Variants in ADAMTS2 observed in about 807,000 individuals in gnomAD.
ADAMTS2 encodes A disintegrin and metalloproteinase with thrombospondin motifs 2.
ADAMTS2 carries 50 observed loss-of-function variants against 123.0 expected under a neutral mutation model. The ratio of observed to expected loss-of-function variants is 0.41; its 90% confidence interval spans 0.32 to 0.51. The LOEUF is 0.51. Ranked by LOEUF, ADAMTS2 falls within the 20% of genes least tolerant of loss-of-function variation. The pLI, the probability that ADAMTS2 is intolerant of heterozygous loss-of-function variation, is 0.35. For synonymous variants in ADAMTS2, 678 were observed against 695.4 expected, an observed-to-expected ratio of 0.98 and a Z score of 0.39; for missense variants, 1,494 against 1,705.2, an observed-to-expected ratio of 0.88 and a Z score of 2.18.
Position 179,180,961 on chromosome 5 carries a change from G to A in ADAMTS2, c.975+111C>T. The A allele has an allele frequency of 2.5e-6, 2 of 786,380 alleles. No individual in the cohort carries two copies. Among genetic ancestry groups the A allele is most frequent in the South Asian group, 1.4e-5 (1 of 71,264 alleles). The allele number at this position is 786,380 out of a possible 1,614,324, so 48.7% of individuals were successfully genotyped here. A position where few individuals can be genotyped will look rare whatever the true frequency, so the allele number is the denominator to read the frequency against. On this transcript the variant is annotated intron_variant, in intron 5 of 21. Transcript: ENST00000251582. The surrounding 1 kb of genome is among the most constrained non-coding windows in gnomAD (Gnocchi z 4.6). The stretch of plus-strand genomic sequence containing the variant: ...GGAACCTCAGGGGAGCCAGGGAGAG[G>A]CAGGGTGGTTCTGGCAAACGCACAC...
At chr5:179,194,691 A>T (rs990323348) in intron 4 of ADAMTS2, among the ~76,000 whole-genome samples, 1 of 152,112 alleles carries the variant, frequency 6.6e-6, no homozygotes, top group Admixed American at 6.5e-5. Flanking sequence ...TGCTCTGGCC[A>T]TGTCTCTCTC....
rs1763621711 is a variant in ADAMTS2 at position 179,162,773 on chromosome 5, T to C, written c.976-3894A>G. On this transcript the variant is annotated intron_variant, in intron 5 of 21. Transcript: ENST00000251582. The surrounding 1 kb of genome is among the most constrained non-coding windows in gnomAD (Gnocchi z 5.1). Reference sequence around the variant, plus strand: ...GGCTGCCTGCCACTGACGGGTGTCATTTATGCCTGAAGAAGTTCCTCTCCT... The same window carrying C: ...GGCTGCCTGCCACTGACGGGTGTCACTTATGCCTGAAGAAGTTCCTCTCCT... Among the ~76,000 whole-genome samples the C allele has an allele frequency of 6.6e-6, 1 of 152,192 alleles. No individual in the cohort carries two copies. Among genetic ancestry groups the C allele is most frequent in the Admixed American group, 6.5e-5 (1 of 15,284 alleles).
intron 2 of ADAMTS2, among the ~76,000 whole-genome samples, chr5:179,343,446 A>T (rs1581298771): frequency 6.6e-6 from 1 of 152,360 alleles, no homozygotes; most frequent in Admixed American, 6.5e-5. Flanking sequence ...AAAGGTACAC[A>T]CACATACACG....
intron 1 of ADAMTS2, among the ~76,000 whole-genome samples, chr5:179,344,370 A>T (rs888978394): frequency 6.6e-6 from 1 of 151,584 alleles, no homozygotes; most frequent in Non-Finnish European, 1.5e-5. Context: ...GGGCTCCGCC[A>T]CTCCCCAGCC....
At chr5:179,341,291 A>G (rs1022559709) in intron 2 of ADAMTS2, 10 of 346,740 alleles carry the variant, frequency 2.9e-5, no homozygotes, top group Admixed American at 7.4e-5. Flanking sequence ...GGAGGCCAAG[A>G]TGGGCAGATC....
In ADAMTS2 at chr5:179,140,887, C is replaced by A. The variant is rs576530320; in HGVS notation, c.1630-852G>T. Among the ~76,000 whole-genome samples, 4 of 147,670 alleles carry A rather than the reference C, an allele frequency of 2.7e-5. No homozygotes were observed. The South Asian group carries it at 8.7e-4, about 32-fold the overall frequency. ...CGATCTTGGCTCACTGCAACCTCCG[C>A]CTCCTGGGTTCAAGCGATTCTCTTG... On this transcript the variant is annotated intron_variant, in intron 10 of 21. Transcript: ENST00000251582.
intron 6 of ADAMTS2, among the ~76,000 whole-genome samples, chr5:179,157,967 T>C (rs1763512480): frequency 6.8e-6 from 1 of 146,138 alleles, no homozygotes; most frequent in Non-Finnish European, 1.5e-5. Context: ...TGGTTTTTTT[T>C]GTCTCTTTTT....
intron 3 of ADAMTS2, among the ~76,000 whole-genome samples, chr5:179,268,634 G>A (rs562108201): frequency 2.6e-5 from 4 of 152,334 alleles, no homozygotes; most frequent in Admixed American, 6.5e-5. Context: ...GTCCCTTAAC[G>A]CGGGCGGTGG....
At chr5:179,255,760 T>TGGCAC (rs1409784542) in intron 3 of ADAMTS2, among the ~76,000 whole-genome samples, 2 of 152,078 alleles carry the variant, frequency 1.3e-5, no homozygotes, top group East Asian at 3.9e-4. Flanking sequence ...CAAGCAGGGG[T>TGGCAC]GGCACGGCAC....
In ADAMTS2 at chr5:179,170,479, A is replaced by T. The variant is rs574271335; in HGVS notation, c.975+10593T>A. 2.9e-4 allele frequency among the ~76,000 whole-genome samples: 44 copies of T among 152,134 alleles called. No homozygotes were observed. Among genetic ancestry groups the T allele is most frequent in the African/African-American group, 1.0e-3 (43 of 41,494 alleles). On this transcript the variant is annotated intron_variant, in intron 5 of 21. Coordinates refer to ENST00000251582, the MANE Select transcript of ADAMTS2 (RefSeq NM_014244.5). This position sits in a 1 kb window ranked among gnomAD's most constrained non-coding sequence, Gnocchi z 4.3. ...AAATTCTTCTAGAGACGGGGGCCTC[A>T]TTCCTTGACGGGAAGCCTGTGGTTC... is the stretch of plus-strand genomic sequence containing the variant.
chr5:179,205,800 C>T (rs1264594726), intron 4 of ADAMTS2, among the ~76,000 whole-genome samples: 1 of 109,560 alleles, frequency 9.1e-6, no homozygotes, highest in Non-Finnish European at 1.9e-5. Flanking sequence ...GAGACGGAGT[C>T]TCGCTCTGTC....
At chr5:179,166,501 G>A (rs1226844654) in intron 5 of ADAMTS2, among the ~76,000 whole-genome samples, 2 of 152,182 alleles carry the variant, frequency 1.3e-5, no homozygotes, top group African/African-American at 4.8e-5. Context: ...GAAACACTGC[G>A]GGCCCCTGAA....
chr5:179,334,362 C>T (rs891701428), intron 2 of ADAMTS2, among the ~76,000 whole-genome samples: 1 of 152,172 alleles, frequency 6.6e-6, no homozygotes, highest in African/African-American at 2.4e-5. Context: ...ACCCCGGAAT[C>T]GCAACACCTC....
chr5:179,211,827 T>C (rs1764857247), intron 3 of ADAMTS2, among the ~76,000 whole-genome samples: 1 of 152,112 alleles, frequency 6.6e-6, no homozygotes, highest in Admixed American at 6.5e-5. Context: ...CAGGGGTGTG[T>C]GCACAGCCCT....
chr5:179,152,095 C>T (rs1488378511), intron 10 of ADAMTS2, 47 bp downstream of exon 10: 3 of 1,563,902 alleles, frequency 1.9e-6, no homozygotes, highest in East Asian at 4.5e-5. Context: ...CCTAAGATTC[C>T]TGTCCTCTGC....
intron 21 of ADAMTS2, 104 bp from the exon 22 acceptor site, chr5:179,114,428 G>A: frequency 3.4e-6 from 4 of 1,185,660 alleles, no homozygotes; most frequent in Non-Finnish European, 4.8e-6. Flanking sequence ...AGAGCCCAGA[G>A]ACAGCACAGA....
At chr5:179,294,717 C>T (rs1341429198) in intron 2 of ADAMTS2, among the ~76,000 whole-genome samples, 1 of 152,248 alleles carries the variant, frequency 6.6e-6, no homozygotes, top group Non-Finnish European at 1.5e-5. Context: ...GTGGCCTGCC[C>T]CTGATGCCAG....
At chr5:179,342,494 G>T (rs1255248212) in intron 2 of ADAMTS2, among the ~76,000 whole-genome samples, 1 of 152,258 alleles carries the variant, frequency 6.6e-6, no homozygotes, top group South Asian at 2.1e-4. Context: ...AAAGCAACAA[G>T]TGATATTTTC....
rs1255245684 is a variant in ADAMTS2, at chr5:179,285,979, C to T, written c.535-12915G>A. On this transcript the variant is annotated intron_variant, in intron 2 of 21. Coordinates refer to ENST00000251582, the MANE Select transcript of ADAMTS2 (RefSeq NM_014244.5). This position sits in a 1 kb window ranked among gnomAD's most constrained non-coding sequence, Gnocchi z 4.9. ...CTATAATCCTAGCACTTTGGGAGGC[C>T]GAGGCAGGCGGATCACCTGAGGTCA... 1.3e-5 allele frequency among the ~76,000 whole-genome samples: 2 copies of T among 151,734 alleles called. No individual in the cohort carries two copies. Among genetic ancestry groups the T allele is most frequent in the African/African-American group, 4.8e-5 (2 of 41,332 alleles).
Sources: gnomAD v4.1 joint callset for allele counts (sites outside exome capture counted in the v4.1 genomes callset) on GRCh38, gnomAD v4.1.1 for gene constraint, Gnocchi (gnomAD v3.1) non-coding constraint, MANE v1.5 for transcripts, NCBI Gene and HGNC (gene_info 2026-07-23, HGNC 2026-07-21) for gene names.